The following CDH18 variants were observed in gnomAD, a reference collection of about 807,000 sequenced individuals.
CDH18 encodes the protein cadherin-18.
In CDH18, 31 loss-of-function variants were observed where a neutral mutation model predicts 67.9. The ratio of observed to expected loss-of-function variants is 0.46; its 90% CI spans 0.34 to 0.62. The LOEUF is 0.62. Among genes scored for constraint, CDH18 ranks in the 20% least tolerant of loss-of-function variants. The pLI is 0.01. For missense variants in CDH18, 890 were observed against 975.5 expected (o/e 0.91, Z 1.17); for synonymous variants, 362 against 347.2 (o/e 1.04, Z -0.48).
chr5:19,513,262 C>G (rs1210074133), intron 10 of CDH18, among the ~76,000 whole-genome samples: 1 of 152,038 alleles, frequency 6.6e-6, no homozygotes, highest in Non-Finnish European at 1.5e-5. Flanking sequence ...CATGAGCCAC[C>G]AAGCCCAGCT....
chr5:20,379,302 C>A lies in CDH18; in HGVS notation c.-579-123797G>T, dbSNP rs144819426. ...CTAGATCTTATAAACATAGCCCTTA[C>A]TTATTGCATAATAGAAGATATGTTG... On this transcript the variant is annotated intron_variant, in intron 1 of 14. Transcript: ENST00000507958. 1.8e-3 allele frequency among the ~76,000 whole-genome samples: 279 copies of A among 152,254 alleles called. 2 individuals are homozygous for A. In the East Asian group the frequency reaches 0.025, roughly 14 times the overall value.
chr5:19,633,669 A>C (rs1472740889), intron 5 of CDH18, among the ~76,000 whole-genome samples: 1 of 151,686 alleles, frequency 6.6e-6, no homozygotes, highest in African/African-American at 2.4e-5. Flanking sequence ...TCTCTCTCTC[A>C]CCCAGGCTGG....
chr5:20,571,441 C>T (rs147974712), intron 1 of CDH18, among the ~76,000 whole-genome samples: 237 of 152,144 alleles, frequency 1.6e-3, no homozygotes, highest in African/African-American at 4.9e-3. Flanking sequence ...TCGGAATTCT[C>T]ACTCAAGTCA....
intron 2 of CDH18, among the ~76,000 whole-genome samples, chr5:20,244,406 G>A (rs545180780): frequency 2.6e-5 from 4 of 152,086 alleles, no homozygotes; most frequent in South Asian, 2.1e-4. Context: ...CGTTGCCATC[G>A]TTGTCCAGCA....
intron 1 of CDH18, among the ~76,000 whole-genome samples, chr5:20,504,378 T>C (rs1295916176): frequency 6.6e-6 from 1 of 152,228 alleles, no homozygotes; most frequent in African/African-American, 2.4e-5. Context: ...CATAAAGGCA[T>C]ATGTGTGTGT....
At chr5:20,478,658 G>C (rs1218248013) in intron 1 of CDH18, among the ~76,000 whole-genome samples, 1 of 151,822 alleles carries the variant, frequency 6.6e-6, no homozygotes, top group Non-Finnish European at 1.5e-5. Context: ...TCTAGAACCA[G>C]CCCTGGGTCA....
At chr5:19,862,667 T>C (rs1231656905) in intron 2 of CDH18, among the ~76,000 whole-genome samples, 1 of 152,156 alleles carries the variant, frequency 6.6e-6, no homozygotes, top group African/African-American at 2.4e-5. Context: ...TTAGACAGAG[T>C]GTGAGTCCTG....
chr5:19,612,634 G>A (rs746048763), intron 5 of CDH18, 33 bp from the exon 6 acceptor site: 4 of 1,481,346 alleles, frequency 2.7e-6, no homozygotes, highest in Admixed American at 1.7e-5. Flanking sequence ...AACAGTATGA[G>A]CTATATAATA....
chr5:20,393,365 A>T (rs982206538), intron 1 of CDH18, among the ~76,000 whole-genome samples: 3 of 151,976 alleles, frequency 2.0e-5, no homozygotes, highest in Non-Finnish European at 4.4e-5. Context: ...TGTGACATAG[A>T]ATATGTTAAT....
chr5:20,018,942 G>A lies in CDH18; in HGVS notation c.-517-26928C>T, dbSNP rs900939001. Among the ~76,000 whole-genome samples, 4 of 150,072 alleles carry A rather than the reference G, an allele frequency of 2.7e-5. 1 individual carries two copies. Among genetic ancestry groups the A allele is most frequent in the East Asian group, 4.3e-4 (2 of 4,618 alleles). ...CCCGTGTAGCTGGGACTACAGGCGC[G>A]CGCCACCATGCCCGGCTAATTTTTT... On this transcript the variant is annotated intron_variant, in intron 2 of 14. Transcript: ENST00000507958.
chr5:20,307,332 A>G (rs867204331), intron 1 of CDH18, among the ~76,000 whole-genome samples: 2 of 152,048 alleles, frequency 1.3e-5, no homozygotes, highest in African/African-American at 2.4e-5. Flanking sequence ...TGGATCTTAG[A>G]GGGCAGAGTA....
intron 1 of CDH18, among the ~76,000 whole-genome samples, chr5:20,282,590 T>C (rs1746368464): frequency 6.6e-6 from 1 of 152,178 alleles, no homozygotes; most frequent in Non-Finnish European, 1.5e-5. Flanking sequence ...GATAAGCTTT[T>C]TGATGTGCTG....
intron 11 of CDH18, among the ~76,000 whole-genome samples, chr5:19,491,749 T>C (rs1441152187): frequency 6.6e-6 from 1 of 151,442 alleles, no homozygotes; most frequent in Non-Finnish European, 1.5e-5. Flanking sequence ...TTGTTAAAAA[T>C]TATAAAGCAA....
At chr5:20,417,618 A>AT in intron 1 of CDH18, among the ~76,000 whole-genome samples, 1 of 152,304 alleles carries the variant, frequency 6.6e-6, no homozygotes, top group African/African-American at 2.4e-5. Context: ...ACGACATGTC[A>AT]TTTATTTGGT....
intron 1 of CDH18, among the ~76,000 whole-genome samples, chr5:20,298,601 T>C (rs935037797): frequency 4.6e-5 from 7 of 152,162 alleles, no homozygotes; most frequent in African/African-American, 1.4e-4. Flanking sequence ...TTAATATCCT[T>C]GGAATTCAAA....
chr5:20,439,137 G>T (rs900526499), intron 1 of CDH18, among the ~76,000 whole-genome samples: 2 of 143,334 alleles, frequency 1.4e-5, no homozygotes, highest in African/African-American at 5.0e-5. Context: ...TCTAAAACAG[G>T]ATTTAGGTGA....
chr5:20,249,915 C>T (rs1266159427), intron 2 of CDH18, among the ~76,000 whole-genome samples: 1 of 147,042 alleles, frequency 6.8e-6, no homozygotes, highest in Non-Finnish European at 1.5e-5. Flanking sequence ...AAACTGCTGG[C>T]TCCCACATTG....
chr5:19,736,481 AATG>A (rs1247245810), intron 4 of CDH18, among the ~76,000 whole-genome samples: 3 of 152,238 alleles, frequency 2.0e-5, no homozygotes, highest in East Asian at 1.9e-4. Flanking sequence ...AAAGATAAAT[AATG>A]ATATCTTCTT....
chr5:20,175,514 G>A (rs1737164055), intron 2 of CDH18, among the ~76,000 whole-genome samples: 2 of 152,120 alleles, frequency 1.3e-5, no homozygotes, highest in Admixed American at 1.3e-4. Context: ...GTTTGCCAAA[G>A]TTTGAAGATT....
Sources: allele counts gnomAD v4.1 joint callset (sites outside exome capture counted in the v4.1 genomes callset), GRCh38; gene constraint gnomAD v4.1.1; transcripts MANE v1.5; gene names NCBI Gene and HGNC (gene_info 2026-07-23, HGNC 2026-07-21).